Variants in KANSL1 observed in about 807,000 individuals in gnomAD.
KANSL1 encodes KAT8 regulatory NSL complex subunit 1.
KANSL1 carries 22 observed loss-of-function variants against 103.6 expected under a neutral mutation model. That is an observed-to-expected ratio of 0.21 (90% CI 0.15 to 0.30). The LOEUF is 0.30. Ranked by LOEUF, KANSL1 falls within the 10% of genes least tolerant of loss-of-function variation. KANSL1 has a pLI of 1.00. For missense variants in KANSL1, 1,337 were observed against 1,399.8 expected (o/e 0.96, Z 0.72); for synonymous variants, 600 against 527.6 (o/e 1.14, Z -1.88).
At chr17:46,119,346 G>C (rs2043182804) in intron 2 of KANSL1, among the ~76,000 whole-genome samples, 1 of 150,522 alleles carries the variant, frequency 6.6e-6, no homozygotes, top group Non-Finnish European at 1.5e-5. Context: ...TTGAGATGGG[G>C]AGTCTCGCTC....
chr17:46,082,757 G>C lies in KANSL1; in HGVS notation c.1432-215C>G, dbSNP rs565445356. ...AGGCTCCCCTCTCTGCCACTTGACT[G>C]CTCTGACCTACATGGCTCATCAGCC... On this transcript the variant is annotated intron_variant, in intron 3 of 14. Transcript: ENST00000432791. 7.5e-4 allele frequency among the ~76,000 whole-genome samples: 114 copies of C among 152,136 alleles called. No homozygotes were observed. In the Middle Eastern group the frequency reaches 0.017, roughly 23 times the overall value.
intron 2 of KANSL1, among the ~76,000 whole-genome samples, chr17:46,123,501 C>T (rs2043377119): frequency 1.3e-5 from 2 of 152,176 alleles, no homozygotes; most frequent in Non-Finnish European, 1.5e-5. Flanking sequence ...CTTGTAAATG[C>T]AAAAGTTCTT....
At chr17:46,214,136 G>A (rs2048265361) in intron 1 of KANSL1, among the ~76,000 whole-genome samples, 1 of 152,176 alleles carries the variant, frequency 6.6e-6, no homozygotes, top group Non-Finnish European at 1.5e-5. Flanking sequence ...AAACACTTTT[G>A]CCCTTTAGCA....
At chr17:46,104,557 A>G (rs1002248436) in intron 2 of KANSL1, among the ~76,000 whole-genome samples, 1 of 152,234 alleles carries the variant, frequency 6.6e-6, no homozygotes, top group African/African-American at 2.4e-5. Flanking sequence ...ACAATTTTTA[A>G]TGATGTCTGT....
At chr17:46,168,116 C>G (rs569743326) in intron 2 of KANSL1, among the ~76,000 whole-genome samples, 1 of 152,362 alleles carries the variant, frequency 6.6e-6, no homozygotes, top group East Asian at 1.9e-4. Flanking sequence ...AATTAACTAA[C>G]TACATTCTAG....
At chr17:46,038,899 C>T (rs920919674) in intron 9 of KANSL1, 128 bp downstream of exon 9, 13 of 1,222,492 alleles carry the variant, frequency 1.1e-5, no homozygotes, top group African/African-American at 3.0e-5. Flanking sequence ...GAAGCAGTAG[C>T]GTCCCTCTAC....
chr17:46,132,415 G>A (rs1288555569), intron 2 of KANSL1, among the ~76,000 whole-genome samples: 1 of 152,182 alleles, frequency 6.6e-6, no homozygotes, highest in Non-Finnish European at 1.5e-5. Flanking sequence ...CCTAGTGTTG[G>A]CAGGGGCCTT....
intron 1 of KANSL1, among the ~76,000 whole-genome samples, chr17:46,188,446 A>C (rs1254539136): frequency 6.6e-6 from 1 of 152,270 alleles, no homozygotes; most frequent in African/African-American, 2.4e-5. Flanking sequence ...CTTCAGAAGC[A>C]ACATGAGAAC....
At chr17:46,112,653 C>G (rs993295537) in intron 2 of KANSL1, among the ~76,000 whole-genome samples, 4 of 151,894 alleles carry the variant, frequency 2.6e-5, no homozygotes, top group African/African-American at 9.7e-5. Context: ...CTACTGCATT[C>G]CATCCTGGGT....
chr17:46,224,139 A>C (rs755299640), upstream of KANSL1, among the ~76,000 whole-genome samples: 33 of 152,264 alleles, frequency 2.2e-4, no homozygotes, highest in Non-Finnish European at 3.7e-4. Context: ...CGTCTAAAGA[A>C]AGACCCTTGC....
chr17:46,161,205 C>G (rs2532289), intron 2 of KANSL1, among the ~76,000 whole-genome samples: 30,028 of 139,034 alleles, frequency 0.22, 3,392 homozygotes, highest in Middle Eastern at 0.31. Flanking sequence ...ACGAGGTCAG[C>G]AGATCGAGAC....
In KANSL1 at chr17:46,192,987, C is replaced by T. The variant is rs1216515376; in HGVS notation, c.-254G>A. ...CTCCTCCCCCCGACGCCCGGAGCCG[C>T]CCTGACTTTCCGGGCGGGGGGGCGA... On this transcript the variant is annotated 5_prime_UTR_variant, in exon 1 of 15. Coordinates refer to ENST00000432791, the MANE Select transcript of KANSL1 (RefSeq NM_015443.4). The T allele has an allele frequency of 1.3e-5, 2 of 151,898 alleles. No individual in the cohort carries two copies. Among genetic ancestry groups the T allele is most frequent in the Non-Finnish European group, 2.9e-5 (2 of 68,092 alleles). The allele number at this position is 151,898 out of a possible 1,614,324, so 9.4% of individuals were successfully genotyped here. A position where few individuals can be genotyped will look rare whatever the true frequency, so the allele number is the denominator to read the frequency against.
At chr17:46,139,123 T>A (rs2044294021) in intron 2 of KANSL1, among the ~76,000 whole-genome samples, 1 of 152,218 alleles carries the variant, frequency 6.6e-6, no homozygotes, top group Admixed American at 6.5e-5. Flanking sequence ...TGCTGCTCTA[T>A]CCCCATAATC....
At chr17:46,093,061 C>G (rs2079475590) in intron 3 of KANSL1, 1 of 152,180 alleles carries the variant, frequency 6.6e-6, no homozygotes. Context: ...CTTATGACTA[C>G]TATTATACTA....
At chr17:46,162,970 T>C (rs953474746) in intron 2 of KANSL1, among the ~76,000 whole-genome samples, 22 of 152,182 alleles carry the variant, frequency 1.4e-4, no homozygotes, top group African/African-American at 5.3e-4. Context: ...ACCAATTCCT[T>C]CTTATCCTTC....
intron 2 of KANSL1, among the ~76,000 whole-genome samples, chr17:46,105,906 G>GAC (rs773000790): frequency 0.021 from 1,970 of 95,144 alleles, 26 homozygotes; most frequent in East Asian, 0.04. Flanking sequence ...GCAAGGCCTT[G>GAC]ACACACACAC....
At chr17:46,115,557 A>G (rs17577369) in intron 2 of KANSL1, among the ~76,000 whole-genome samples, 22,441 of 151,932 alleles carry the variant, frequency 0.15, 2,162 homozygotes, top group Non-Finnish European at 0.22. Context: ...ATAACTTTAG[A>G]TATGTATTAC....
chr17:46,056,747 G>A (rs555803451), intron 6 of KANSL1, among the ~76,000 whole-genome samples: 1 of 152,244 alleles, frequency 6.6e-6, no homozygotes, highest in South Asian at 2.1e-4. Flanking sequence ...CAATTTCATG[G>A]GAGTGTAGGA....
At position 46,189,635 on chromosome 17, in the gene KANSL1, C is replaced by G. The variant is rs1397956833; in HGVS notation, c.-90+3188G>C. Among the ~76,000 whole-genome samples, 3 of 152,272 alleles carry G rather than the reference C, an allele frequency of 2.0e-5. 1 individual carries two copies. In the Middle Eastern group the frequency reaches 0.01, roughly 518 times the overall value. On this transcript the variant is annotated intron_variant, in intron 1 of 14. Coordinates refer to ENST00000432791, the MANE Select transcript of KANSL1 (RefSeq NM_015443.4). ...TAGTGGTTCATGCCTGTAATTCCGG[C>G]ACTTCTGGGAGGCCGAGGCAGGTGG... is the stretch of plus-strand genomic sequence containing the variant.
Sources: gnomAD v4.1 joint callset for allele counts (sites outside exome capture counted in the v4.1 genomes callset) on GRCh38, gnomAD v4.1.1 for gene constraint, MANE v1.5 for transcripts, NCBI Gene and HGNC (gene_info 2026-07-23, HGNC 2026-07-21) for gene names.